The following GLP2R variants were observed in gnomAD, a reference collection of about 807,000 sequenced individuals.
GLP2R encodes glucagon like peptide 2 receptor, also known as glucagon-like peptide 2 receptor.
Under a neutral mutation model 68.2 loss-of-function variants are expected in GLP2R, and 59 were observed. The ratio of observed to expected loss-of-function variants is 0.87; its 90% CI spans 0.70 to 1.07. The LOEUF (loss-of-function observed/expected upper bound fraction) is 1.07, where lower values mean the gene tolerates loss of function less well. GLP2R is among the 50% of genes least tolerant of loss of function. GLP2R has a pLI of 0.00. For missense variants in GLP2R, 548 were observed against 677.4 expected (o/e 0.81, Z 2.12); for synonymous variants, 270 against 265.4 (o/e 1.02, Z -0.17).
At chr17:9,853,210 C>T (rs556811052) in intron 4 of GLP2R, 64 of 337,472 alleles carry the variant, frequency 1.9e-4, no homozygotes, top group Admixed American at 1.5e-3. Context: ...CATCATTGTC[C>T]GCCTTAAAGG....
intron 3 of GLP2R, among the ~76,000 whole-genome samples, chr17:9,837,923 T>C (rs1402656): frequency 0.73 from 110,757 of 152,116 alleles, 41,953 homozygotes; most frequent in East Asian, 1. Context: ...ATCATCCCAT[T>C]GTGCAACTTT....
chr17:9,829,758 A>G (rs371474989), intron 1 of GLP2R, among the ~76,000 whole-genome samples: 3 of 152,216 alleles, frequency 2.0e-5, no homozygotes, highest in East Asian at 3.8e-4. Context: ...AAGAATCTGG[A>G]AGTAGATGGT....
intron 10 of GLP2R, among the ~76,000 whole-genome samples, chr17:9,874,490 T>C (rs7214508): frequency 0.04 from 6,108 of 152,122 alleles, 389 homozygotes; most frequent in African/African-American, 0.14. Context: ...GAGACCCTTT[T>C]TCTTTAATAA....
chr17:9,826,233 T>C lies in GLP2R; in HGVS notation c.170T>C (p.Leu57Pro). 6.3e-7 allele frequency: 1 copy of C among 1,599,050 alleles called. No individual in the cohort carries two copies. Among genetic ancestry groups the C allele is most frequent in the Non-Finnish European group, 8.5e-7 (1 of 1,175,128 alleles). The change falls in exon 1 of 13, where the codon CTG becomes CCG. Residue 57 changes from leucine to proline, a missense_variant. By Grantham distance (98) the Leu-to-Pro change is moderately conservative (BLOSUM62 -3). Transcript: ENST00000262441. ...GGGAGGCCCTTCCTCACTCTGGTCCTGCTGGTTTCCATCAAGCAAGTAAGA... is the reference window on the plus strand; with the variant it reads ...GGGAGGCCCTTCCTCACTCTGGTCCCGCTGGTTTCCATCAAGCAAGTAAGA... Reference protein sequence around the residue: ...APGRPFLTLVLLVSIKQVTGS... With the variant: ...APGRPFLTLVPLVSIKQVTGS...
chr17:9,872,987 C>A (rs993495548), intron 10 of GLP2R, among the ~76,000 whole-genome samples: 1 of 152,212 alleles, frequency 6.6e-6, no homozygotes, highest in Admixed American at 6.5e-5. Context: ...GGGGAGCCGG[C>A]CTGGCCTGGG....
At chr17:9,882,488 A>G (rs750338026) in intron 11 of GLP2R, among the ~76,000 whole-genome samples, 1 of 152,224 alleles carries the variant, frequency 6.6e-6, no homozygotes, top group Non-Finnish European at 1.5e-5. Flanking sequence ...CACACTCAAG[A>G]AGGACCAGAA....
At chr17:9,871,873 T>C (rs995619552) in intron 10 of GLP2R, among the ~76,000 whole-genome samples, 2 of 151,936 alleles carry the variant, frequency 1.3e-5, no homozygotes, top group African/African-American at 4.8e-5. Flanking sequence ...TACAGGCACC[T>C]GCCACCACGT....
chr17:9,828,813 C>T (rs1243012242), intron 1 of GLP2R, among the ~76,000 whole-genome samples: 1 of 152,136 alleles, frequency 6.6e-6, no homozygotes, highest in African/African-American at 2.4e-5. Context: ...CACCTTGACC[C>T]TTTCAGTCTG....
chr17:9,853,638 A>G (rs948375085), intron 4 of GLP2R, among the ~76,000 whole-genome samples: 3 of 152,230 alleles, frequency 2.0e-5, no homozygotes, highest in Non-Finnish European at 4.4e-5. Context: ...TAATTTTTTT[A>G]AAAGAAACAA....
chr17:9,885,665 G>T (rs536788960), intron 11 of GLP2R, among the ~76,000 whole-genome samples: 9 of 152,080 alleles, frequency 5.9e-5, no homozygotes, highest in Admixed American at 5.9e-4. Flanking sequence ...TAAGATGGAG[G>T]AAGTAGAAAC....
At chr17:9,843,511 C>T (rs369564424) in intron 4 of GLP2R, among the ~76,000 whole-genome samples, 3 of 152,236 alleles carry the variant, frequency 2.0e-5, no homozygotes, top group East Asian at 3.8e-4. Flanking sequence ...CCTGCCCTAT[C>T]CCCAGGGTCT....
At chr17:9,857,648 C>A in intron 6 of GLP2R, 72 bp downstream of exon 6, 2 of 1,459,570 alleles carry the variant, frequency 1.4e-6, no homozygotes, top group Non-Finnish European at 1.9e-6. Context: ...AGAAGGCAGG[C>A]AGGTGGGACT....
chr17:9,842,757 G>A (rs762643457), intron 4 of GLP2R, 141 bp downstream of exon 4: 9 of 823,892 alleles, frequency 1.1e-5, no homozygotes, highest in South Asian at 1.7e-5. Context: ...GGAAGGTCCC[G>A]CAAAGCAGCA....
chr17:9,889,589 C>T lies in GLP2R; in HGVS notation c.1546C>T (p.Gln516Ter), dbSNP rs1328678909. The T allele has an allele frequency of 2.4e-5, 39 of 1,614,010 alleles. No individual in the cohort carries two copies. Among genetic ancestry groups the T allele is most frequent in the Non-Finnish European group, 3.2e-5 (38 of 1,179,982 alleles). The change falls in exon 13 of 13, where the codon CAG becomes TAG. Residue 516 changes from glutamine to a stop codon, truncating the protein, a stop_gained. Coordinates refer to ENST00000262441, the MANE Select transcript of GLP2R (RefSeq NM_004246.3). LOFTEE classifies it high-confidence loss of function. Reference protein sequence around the residue: ...AMRGLGELGAQPQQDHARWPR... With the variant: ...AMRGLGELGA The stretch of plus-strand genomic sequence containing the variant: ...GCGAGGTCTTGGGGAGCTGGGCGCC[C>T]AGCCCCAACAGGACCATGCACGCTG...
intron 11 of GLP2R, among the ~76,000 whole-genome samples, chr17:9,885,843 C>T (rs2067239843): frequency 6.6e-6 from 1 of 152,038 alleles, no homozygotes; most frequent in South Asian, 2.1e-4. Context: ...GTAGAGGAAC[C>T]ATCAAGGCCA....
Position 9,854,496 on chromosome 17 carries a change from T to C in GLP2R, c.506T>C (p.Val169Ala). The C allele has an allele frequency of 6.3e-7, 1 of 1,588,082 alleles. No individual in the cohort carries two copies. Among genetic ancestry groups the C allele is most frequent in the Non-Finnish European group, 8.6e-7 (1 of 1,156,170 alleles). ...TGTCTGCTCTTCCTCTGTGTTCAGGTGGATCGTTATGCCTTGCTGTCAACC... is the reference window on the plus strand; with the variant it reads ...TGTCTGCTCTTCCTCTGTGTTCAGGCGGATCGTTATGCCTTGCTGTCAACC... ...CSENHSFKQN[V>A]DRYALLSTLQ... Residue 169 changes from valine to alanine, a missense_variant and splice_region_variant, in exon 5 of 13, where the codon GTG (valine) becomes GCG (alanine). Val to Ala is a moderately conservative substitution (Grantham distance 64, BLOSUM62 0). Transcript: ENST00000262441.
Position 9,833,791 on chromosome 17 carries a change from GT to G in GLP2R, c.190-11del. The G allele has an allele frequency of 6.5e-7, 1 of 1,544,432 alleles. No individual in the cohort carries two copies. The highest frequency in any genetic ancestry group is 8.9e-7 in the Non-Finnish European group (1 of 1,127,508). ...GTGCTTGGTCACTGGGGGTGACCAT[GT>G]TTTTGTTTGCTCAGGTTACAGGATC... On this transcript the variant is annotated splice_polypyrimidine_tract_variant and intron_variant, in intron 1 of 12. Coordinates refer to ENST00000262441, the MANE Select transcript of GLP2R (RefSeq NM_004246.3).
chr17:9,856,605 A>G (rs1461962437), intron 5 of GLP2R, among the ~76,000 whole-genome samples: 3 of 152,264 alleles, frequency 2.0e-5, no homozygotes, highest in Non-Finnish European at 4.4e-5. Flanking sequence ...ACACTTACTT[A>G]TGTGCACAGA....
intron 10 of GLP2R, among the ~76,000 whole-genome samples, chr17:9,871,471 T>C (rs2067092047): frequency 6.6e-6 from 1 of 152,146 alleles, no homozygotes; most frequent in African/African-American, 2.4e-5. Flanking sequence ...TTGGGTGTTT[T>C]TGAGACCTTG....
Sources: gnomAD v4.1 joint callset for allele counts (sites outside exome capture counted in the v4.1 genomes callset) on GRCh38, gnomAD v4.1.1 for gene constraint, MANE v1.5 for transcripts, NCBI Gene and HGNC (gene_info 2026-07-23, HGNC 2026-07-21) for gene names.